ARMC8: variants seen among roughly 807,000 people sequenced by gnomAD.
ARMC8 encodes armadillo repeat containing 8.
A neutral mutation model predicts 99.3 loss-of-function variants in ARMC8; 20 were observed. The ratio of observed to expected loss-of-function variants is 0.20; its 90% CI spans 0.14 to 0.29. The LOEUF is 0.29. Among genes scored for constraint, ARMC8 ranks in the 10% least tolerant of loss-of-function variants. ARMC8 has a pLI of 1.00. For missense variants in ARMC8, 569 were observed against 809.5 expected, an observed-to-expected ratio of 0.70 and a Z score of 3.60; for synonymous variants, 263 against 278.3, an observed-to-expected ratio of 0.95 and a Z score of 0.55.
chr3:138,269,073 A>G (rs1052274477), intron 15 of ARMC8, among the ~76,000 whole-genome samples: 1 of 152,230 alleles, frequency 6.6e-6, no homozygotes, highest in Non-Finnish European at 1.5e-5. Context: ...TTAGGTACAT[A>G]GTACGAGAGA....
chr3:138,245,176 G>A lies in ARMC8; in HGVS notation c.1127G>A (p.Arg376Gln), dbSNP rs2046824717. ...ASLGANDEDI[R>Q]KKIIETENMM... ...CTTGGAGCAAATGATGAAGACATCC[G>A]GAAGAAGGTGAGTCTGGGAGAGGGG... is the stretch of plus-strand genomic sequence containing the variant. The change falls in exon 12 of 22, where the codon CGG becomes CAG. Residue 376 changes from arginine to glutamine, a missense_variant. Arg to Gln is a conservative substitution (Grantham distance 43). Around this residue, in one of 2 missense-constraint regions of ARMC8, gnomAD observed 227 missense variants for 417.9 expected, o/e 0.54. Coordinates refer to ENST00000469044, the MANE Select transcript of ARMC8 (RefSeq NM_001363941.2). 3.1e-6 allele frequency: 5 copies of A among 1,614,184 alleles called. No homozygotes were observed. The highest frequency in any genetic ancestry group is 1.3e-5 in the African/African-American group (1 of 75,052).
At chr3:138,262,919 G>A (rs1286281985) in intron 12 of ARMC8, among the ~76,000 whole-genome samples, 1 of 152,200 alleles carries the variant, frequency 6.6e-6, no homozygotes, top group African/African-American at 2.4e-5. Context: ...GTGATTACAG[G>A]AAAGCTCTGT....
chr3:138,235,798 C>CTTTTTTTTT lies in ARMC8; in HGVS notation c.609+701_609+709dup, dbSNP rs71146120. 2.3e-3 allele frequency among the ~76,000 whole-genome samples: 183 copies of CTTTTTTTTT among 80,520 alleles called. 1 individual carries two copies. Among genetic ancestry groups the CTTTTTTTTT allele is most frequent in the Non-Finnish European group, 2.8e-3 (119 of 43,264 alleles). 52.8% of individuals were successfully genotyped at this position (80,520 alleles called of 152,430 possible). On this transcript the variant is annotated intron_variant, in intron 7 of 21. Coordinates refer to ENST00000469044, the MANE Select transcript of ARMC8 (RefSeq NM_001363941.2). ...AGTGACTCCATTCTGTCCTTTTAGT[C>CTTTTTTTTT]TTTTTTTTTTTTTTTTTTTTTTTTT... is the stretch of plus-strand genomic sequence containing the variant.
intron 2 of ARMC8, among the ~76,000 whole-genome samples, chr3:138,216,095 G>A (rs951139103): frequency 2.0e-5 from 3 of 148,120 alleles, no homozygotes; most frequent in African/African-American, 7.5e-5. Context: ...CATTATGTTG[G>A]CCAGGCTGGT....
chr3:138,263,119 T>G lies in ARMC8; in HGVS notation c.1135-620T>G, dbSNP rs148936612. On this transcript the variant is annotated intron_variant, in intron 12 of 21. Transcript: ENST00000469044. ...AGGCCCACACAAGTCAAATTCAGTT[T>G]CCTTCACACACTATTTATTTTGTAT... Among the ~76,000 whole-genome samples, 28 of 152,392 alleles carry G rather than the reference T, an allele frequency of 1.8e-4. 1 individual carries two copies. Among genetic ancestry groups the G allele is most frequent in the Middle Eastern group, 3.4e-3 (1 of 294 alleles).
intron 11 of ARMC8, 135 bp from the exon 12 acceptor site, chr3:138,244,953 T>C (rs925832351): frequency 9.3e-7 from 1 of 1,075,984 alleles, no homozygotes. Flanking sequence ...CAAAAATAAC[T>C]GGGAAATGTA....
chr3:138,217,458 T>G (rs1393268252), intron 2 of ARMC8, among the ~76,000 whole-genome samples: 1 of 151,932 alleles, frequency 6.6e-6, no homozygotes, highest in Admixed American at 6.6e-5. Flanking sequence ...GTGCTTTTTC[T>G]CTTGGTTTTC....
intron 18 of ARMC8, among the ~76,000 whole-genome samples, chr3:138,278,404 T>G (rs1445654931): frequency 1.3e-5 from 2 of 151,870 alleles, no homozygotes; most frequent in African/African-American, 2.4e-5. Flanking sequence ...CTCGGGAGGC[T>G]GAGGCAGGAG....
chr3:138,257,619 GT>G (rs926525573), intron 12 of ARMC8, among the ~76,000 whole-genome samples: 4 of 151,898 alleles, frequency 2.6e-5, no homozygotes. Context: ...CAAAACTAGT[GT>G]CTTGATGGCG....
chr3:138,194,330 A>G (rs968531530), intron 1 of ARMC8, among the ~76,000 whole-genome samples: 27 of 138,940 alleles, frequency 1.9e-4, no homozygotes, highest in African/African-American at 7.3e-4. Flanking sequence ...GGCGTAAGCC[A>G]CTGCGCCCAG....
chr3:138,245,447 T>C, intron 12 of ARMC8: 1 of 1,360,584 alleles, frequency 7.3e-7, no homozygotes, highest in Non-Finnish European at 9.4e-7. Context: ...AATTATTATG[T>C]TGCACATTTT....
chr3:138,256,512 G>A (rs1054981799), intron 12 of ARMC8, among the ~76,000 whole-genome samples: 1 of 142,974 alleles, frequency 7.0e-6, no homozygotes, highest in Admixed American at 7.3e-5. Context: ...CTGGGTTCAC[G>A]CCATTCTCCC....
intron 17 of ARMC8, 61 bp downstream of exon 17, chr3:138,273,177 G>A: frequency 9.4e-6 from 14 of 1,495,160 alleles, no homozygotes; most frequent in Non-Finnish European, 1.3e-5. Context: ...GCAAGACATT[G>A]CTCTCTCTCT....
chr3:138,264,507 C>T (rs546104913), intron 14 of ARMC8, among the ~76,000 whole-genome samples: 295 of 149,546 alleles, frequency 2.0e-3, no homozygotes, highest in Non-Finnish European at 3.3e-3. Context: ...GCAACCTCCA[C>T]CTCCCCGGTT....
intron 6 of ARMC8, 116 bp from the exon 7 acceptor site, chr3:138,234,918 G>T: frequency 3.9e-6 from 3 of 771,252 alleles, no homozygotes; most frequent in Non-Finnish European, 6.2e-6. Flanking sequence ...TTTAAGCAAA[G>T]AGTAACAGGA....
At chr3:138,237,040 G>T (rs1336778124) in intron 7 of ARMC8, among the ~76,000 whole-genome samples, 1 of 151,998 alleles carries the variant, frequency 6.6e-6, no homozygotes, top group African/African-American at 2.4e-5. Context: ...TTTGTATAGT[G>T]TTCTTTTAAT....
chr3:138,287,562 T>G, intron 19 of ARMC8: 1 of 453,456 alleles, frequency 2.2e-6, no homozygotes, highest in Non-Finnish European at 4.4e-6. Context: ...TACAAGCTCA[T>G]TTATTCAACA....
intron 1 of ARMC8, among the ~76,000 whole-genome samples, chr3:138,191,980 A>C (rs1336140321): frequency 6.6e-6 from 1 of 152,206 alleles, no homozygotes. Flanking sequence ...TTGTAAGGAC[A>C]TAACTTTTCA....
rs777429378 is a variant in ARMC8 at position 138,237,579 on chromosome 3, G to C, written c.776+7G>C. The stretch of plus-strand genomic sequence containing the variant: ...AGCTCACATCAGCAAAATGGTAAAA[G>C]TCAGGACAATGTGGGAAGAAAGACA... On this transcript the variant is annotated splice_region_variant and intron_variant, in intron 9 of 21. Transcript: ENST00000469044. The C allele has an allele frequency of 6.2e-7, 1 of 1,609,718 alleles. No homozygotes were observed. Among genetic ancestry groups the C allele is most frequent in the East Asian group, 2.2e-5 (1 of 44,810 alleles).
Sources: gnomAD v4.1 joint callset for allele counts (sites outside exome capture counted in the v4.1 genomes callset) on GRCh38, gnomAD v4.1.1 for gene constraint, gnomAD v4.1.1 regional missense constraint, MANE v1.5 for transcripts, NCBI Gene and HGNC (gene_info 2026-07-23, HGNC 2026-07-21) for gene names.